NTRK3: variants seen among roughly 807,000 people sequenced by gnomAD.
NTRK3 encodes the protein NT-3 growth factor receptor.
NTRK3 carries 24 observed loss-of-function variants against 91.7 expected under a neutral mutation model. The observed-to-expected ratio is 0.26, with a 90% CI of 0.19 to 0.37. NTRK3 has a LOEUF of 0.37. NTRK3 is among the 10% of genes least tolerant of loss of function. The pLI is 1.00. For synonymous variants in NTRK3, 483 were observed against 404.0 expected (o/e 1.20, Z -2.34); for missense variants, 880 against 1,068.9 (o/e 0.82, Z 2.46).
At chr15:87,925,086 A>G (rs2068179724) in intron 17 of NTRK3, among the ~76,000 whole-genome samples, 1 of 152,206 alleles carries the variant, frequency 6.6e-6, no homozygotes, top group South Asian at 2.1e-4. Context: ...ATGGTACCCA[A>G]AGCCTACCCT....
intron 5 of NTRK3, among the ~76,000 whole-genome samples, chr15:88,152,889 C>CA (rs1181684834): frequency 6.6e-6 from 1 of 152,206 alleles, no homozygotes; most frequent in East Asian, 1.9e-4. Context: ...CCTCCTCCTG[C>CA]AAAAAGATTA....
chr15:88,147,538 T>C, intron 5 of NTRK3, 135 bp from the exon 6 acceptor site: 1 of 688,816 alleles, frequency 1.5e-6, no homozygotes, highest in Non-Finnish European at 2.6e-6. Context: ...TTCTTCTTCT[T>C]CTTCTTCTTC....
At chr15:88,188,626 C>A (rs994748010) in intron 3 of NTRK3, among the ~76,000 whole-genome samples, 4 of 152,198 alleles carry the variant, frequency 2.6e-5, no homozygotes, top group African/African-American at 9.7e-5. Context: ...CAAACACTAC[C>A]AGGCTTCAGG....
At chr15:88,091,783 G>A (rs1190139231) in intron 13 of NTRK3, among the ~76,000 whole-genome samples, 1 of 152,148 alleles carries the variant, frequency 6.6e-6, no homozygotes, top group East Asian at 1.9e-4. Flanking sequence ...CCTTGGTCAT[G>A]GCTCTCAGAC....
intron 17 of NTRK3, among the ~76,000 whole-genome samples, chr15:87,920,792 G>A (rs1463748300): frequency 6.6e-6 from 1 of 152,030 alleles, no homozygotes; most frequent in Non-Finnish European, 1.5e-5. Context: ...GAGGGCATAG[G>A]GTATCAAAGG....
At position 87,864,179 on chromosome 15, in the gene NTRK3, TTCC is replaced by T. The variant is rs1194979654; in HGVS notation, c.*12753_*12755del. ...CTTTCCTTTCATTTTAATTTGACAGTTCCTCAAGCTAATCCACCATGGCCCCCA... is the reference window on the plus strand; with the variant it reads ...CTTTCCTTTCATTTTAATTTGACAGTTCAAGCTAATCCACCATGGCCCCCA... On this transcript the variant is annotated 3_prime_UTR_variant, in exon 19 of 19. Transcript: ENST00000394480. The T allele has an allele frequency of 5.2e-5, 12 of 232,606 alleles. No individual in the cohort carries two copies. The Admixed American group carries it at 6.8e-4, about 13-fold the overall frequency. The allele number at this position is 232,606 out of a possible 1,614,324, so 14.4% of individuals were successfully genotyped here.
chr15:88,256,679 G>A (rs1277710596), exon 1 of NTRK3: 2 of 398,752 alleles, frequency 5.0e-6, no homozygotes, highest in Non-Finnish European at 8.8e-6. Flanking sequence ...GGAAGATGCA[G>A]TAGGAGCTGC....
At chr15:88,225,391 G>A (rs1237085659) in intron 3 of NTRK3, among the ~76,000 whole-genome samples, 2 of 152,158 alleles carry the variant, frequency 1.3e-5, no homozygotes, top group Non-Finnish European at 2.9e-5. Context: ...GCCAGTCAGA[G>A]CTGCAGAAGC....
At chr15:87,976,346 G>T (rs556588980) in intron 14 of NTRK3, among the ~76,000 whole-genome samples, 1 of 152,162 alleles carries the variant, frequency 6.6e-6, no homozygotes, top group Non-Finnish European at 1.5e-5. Context: ...GCAACTGAGG[G>T]TATATAGAAA....
chr15:88,136,203 A>G (rs574824155), intron 8 of NTRK3, among the ~76,000 whole-genome samples, 163 bp from the exon 9 acceptor site: 1 of 152,248 alleles, frequency 6.6e-6, no homozygotes, highest in Non-Finnish European at 1.5e-5. Flanking sequence ...CCTCATAGGC[A>G]ATAGTTCAGG....
intron 3 of NTRK3, among the ~76,000 whole-genome samples, chr15:88,246,960 T>A (rs1194013361): frequency 6.6e-6 from 1 of 152,160 alleles, no homozygotes; most frequent in Non-Finnish European, 1.5e-5. Context: ...TGGGAAGCCA[T>A]CAGCCCAGGA....
At chr15:88,199,697 C>G (rs903374819) in intron 3 of NTRK3, among the ~76,000 whole-genome samples, 1 of 152,214 alleles carries the variant, frequency 6.6e-6, no homozygotes, top group African/African-American at 2.4e-5. Flanking sequence ...ACCTCAAGGT[C>G]AAAGTGGTGT....
exon 19 of NTRK3, chr15:87,868,764 C>G (rs2064752902): frequency 4.5e-6 from 1 of 223,510 alleles, no homozygotes; most frequent in Admixed American, 5.7e-5. Flanking sequence ...CTGGAGCCAA[C>G]CACTCCTTAA....
intron 10 of NTRK3, chr15:88,131,846 AG>A (rs1415770946): frequency 5.5e-6 from 1 of 182,626 alleles, no homozygotes; most frequent in Non-Finnish European, 1.2e-5. Flanking sequence ...GGGAGGGTTC[AG>A]GCATTCAGCC....
rs536787796 is a variant in NTRK3 at position 88,243,914 on chromosome 15, GA to G, written c.248+11991del. On this transcript the variant is annotated intron_variant, in intron 3 of 18. Coordinates refer to ENST00000394480, the Ensembl canonical transcript of NTRK3. This position sits in a 1 kb window ranked among gnomAD's most constrained non-coding sequence, Gnocchi z 4.8. Reference sequence around the variant, plus strand: ...AGCCATCATCACATGAATGCCCTCAGAAAAAAAATATCTTTAGCACCTAGCA... The same window carrying G: ...AGCCATCATCACATGAATGCCCTCAGAAAAAAATATCTTTAGCACCTAGCA... Among the ~76,000 whole-genome samples the G allele has an allele frequency of 1.3e-5, 2 of 151,852 alleles. No individual in the cohort carries two copies. Among genetic ancestry groups the G allele is most frequent in the Admixed American group, 6.6e-5 (1 of 15,250 alleles).
intron 3 of NTRK3, among the ~76,000 whole-genome samples, chr15:88,249,501 G>A (rs369022814): frequency 5.9e-5 from 9 of 152,118 alleles, no homozygotes; most frequent in South Asian, 2.1e-4. Flanking sequence ...AGAAGTCTTC[G>A]AGCGACCCAG....
At chr15:87,997,021 T>C (rs1472634653) in intron 14 of NTRK3, among the ~76,000 whole-genome samples, 1 of 152,198 alleles carries the variant, frequency 6.6e-6, no homozygotes, top group Non-Finnish European at 1.5e-5. Context: ...AAGAGTAAGA[T>C]GTAATTGCTG....
chr15:87,979,792 A>G (rs2074052321), intron 14 of NTRK3, among the ~76,000 whole-genome samples: 1 of 152,142 alleles, frequency 6.6e-6, no homozygotes, highest in South Asian at 2.1e-4. Flanking sequence ...TTCTGAAAGG[A>G]GGAGACCCTG....
At chr15:87,998,910 G>A (rs769843627) in intron 14 of NTRK3, among the ~76,000 whole-genome samples, 1 of 152,156 alleles carries the variant, frequency 6.6e-6, no homozygotes, top group Non-Finnish European at 1.5e-5. Context: ...TGTGGGGGGA[G>A]GAGGATTGCT....
Sources: gnomAD v4.1 joint callset for allele counts (sites outside exome capture counted in the v4.1 genomes callset) on GRCh38, gnomAD v4.1.1 for gene constraint, Gnocchi (gnomAD v3.1) non-coding constraint, MANE v1.5 for transcripts, NCBI Gene and HGNC (gene_info 2026-07-23, HGNC 2026-07-21) for gene names.